SPEF2: variants seen among roughly 807,000 people sequenced by gnomAD.
The protein encoded by SPEF2 is sperm flagella and cilia-associated protein 2.
A neutral mutation model predicts 224.6 loss-of-function variants in SPEF2; 187 were observed. The ratio of observed to expected loss-of-function variants is 0.83; its 90% CI spans 0.74 to 0.94. SPEF2 has a LOEUF of 0.94. SPEF2 is among the 40% of genes least tolerant of loss of function. The probability of loss-of-function intolerance (pLI) is 0.00; values close to 1 mark genes in which losing one functional copy is unlikely to be tolerated. For missense variants in SPEF2, 2,170 were observed against 2,135.6 expected (o/e 1.02, Z -0.32); for synonymous variants, 715 against 707.3 (o/e 1.01, Z -0.17).
intron 21 of SPEF2, among the ~76,000 whole-genome samples, chr5:35,735,441 A>G (rs1746421628): frequency 6.6e-6 from 1 of 152,252 alleles, no homozygotes; most frequent in Non-Finnish European, 1.5e-5. Flanking sequence ...AATTACAGAA[A>G]GACAAATTTC....
intron 30 of SPEF2, chr5:35,787,834 AC>A: frequency 1.8e-6 from 1 of 551,296 alleles, no homozygotes; most frequent in Non-Finnish European, 3.2e-6. Context: ...AATTGGGATT[AC>A]TTAAAATAAC....
intron 23 of SPEF2, among the ~76,000 whole-genome samples, chr5:35,741,018 GC>G (rs1199565434): frequency 6.6e-6 from 1 of 152,040 alleles, no homozygotes; most frequent in African/African-American, 2.4e-5. Flanking sequence ...TCAAACCCAT[GC>G]CCCATTCATT....
intron 8 of SPEF2, 29 bp downstream of exon 8, chr5:35,659,236 C>G: frequency 6.5e-7 from 1 of 1,539,412 alleles, no homozygotes; most frequent in African/African-American, 1.4e-5. Context: ...AGAAATCTTT[C>G]TAAGGTTACT....
intron 33 of SPEF2, among the ~76,000 whole-genome samples, chr5:35,796,943 T>C (rs527798685): frequency 4.9e-4 from 74 of 152,318 alleles, no homozygotes; most frequent in African/African-American, 1.5e-3. Flanking sequence ...TTGTTTTTAA[T>C]GTGAAACTGG....
chr5:35,700,513 A>T lies in SPEF2; in HGVS notation c.2159A>T (p.Gln720Leu). Reference sequence around the variant, plus strand: ...CAATTTAGTGAGATACCTGTGAATCAAGACTGTATCCTAGATGGTTTTCCA... The same window carrying T: ...CAATTTAGTGAGATACCTGTGAATCTAGACTGTATCCTAGATGGTTTTCCA... Reference protein sequence around the residue: ...VNAINEIPVNQDCILDGFPMT... With the variant: ...VNAINEIPVNLDCILDGFPMT... Residue 720 changes from glutamine to leucine, a missense_variant, in exon 16 of 37, where the codon CAA becomes CTA. By Grantham distance (113) the Gln-to-Leu change is moderately radical. Coordinates refer to ENST00000356031, the MANE Select transcript of SPEF2 (RefSeq NM_024867.4). The T allele has an allele frequency of 6.2e-7, 1 of 1,612,762 alleles. No homozygotes were observed. The highest frequency in any genetic ancestry group is 8.5e-7 in the Non-Finnish European group (1 of 1,179,588).
chr5:35,627,717 A>G (rs1396579768), intron 1 of SPEF2, among the ~76,000 whole-genome samples: 1 of 152,210 alleles, frequency 6.6e-6, no homozygotes, highest in Non-Finnish European at 1.5e-5. Flanking sequence ...TTAATATTAA[A>G]TAGCTCTCTG....
chr5:35,670,524 AT>A (rs1202402576), intron 10 of SPEF2: 1 of 1,032,006 alleles, frequency 9.7e-7, no homozygotes, highest in East Asian at 8.5e-5. Flanking sequence ...ATTTATTAGC[AT>A]TTTTCTTTGT....
chr5:35,752,704 A>G (rs1749845682), intron 23 of SPEF2, among the ~76,000 whole-genome samples: 1 of 152,262 alleles, frequency 6.6e-6, no homozygotes, highest in Admixed American at 6.5e-5. Flanking sequence ...CAAGACCACC[A>G]GTTCGTATTC....
chr5:35,789,417 T>C (rs1580743697), intron 30 of SPEF2: 1 of 691,370 alleles, frequency 1.4e-6, no homozygotes, highest in Non-Finnish European at 2.6e-6. Flanking sequence ...AACTAGACAG[T>C]TTGACTTGCG....
At chr5:35,812,090 C>G (rs1372963788) in intron 36 of SPEF2, among the ~76,000 whole-genome samples, 1 of 152,044 alleles carries the variant, frequency 6.6e-6, no homozygotes, top group Non-Finnish European at 1.5e-5. Flanking sequence ...ACCTGGCCTC[C>G]CATTACTTTT....
At position 35,633,367 on chromosome 5, in the gene SPEF2, C is replaced by G. The variant is rs181746904; in HGVS notation, c.161+4805C>G. 6.7e-3 allele frequency among the ~76,000 whole-genome samples: 1,013 copies of G among 151,996 alleles called. 9 individuals carry two copies. Among genetic ancestry groups the G allele is most frequent in the African/African-American group, 0.023 (962 of 41,488 alleles). On this transcript the variant is annotated intron_variant, in intron 2 of 36. Transcript: ENST00000356031. ...TGTTATGTCTTCTTGAGGGATTGACCTTTTTAACAATATAAAATATTCTTA... is the reference window on the plus strand; with the variant it reads ...TGTTATGTCTTCTTGAGGGATTGACGTTTTTAACAATATAAAATATTCTTA...
intron 21 of SPEF2, among the ~76,000 whole-genome samples, chr5:35,738,540 C>A (rs922325746): frequency 6.7e-6 from 1 of 148,958 alleles, no homozygotes; most frequent in Non-Finnish European, 1.5e-5. Context: ...AAGAGCAAAG[C>A]TTTCAACAGA....
intron 10 of SPEF2, among the ~76,000 whole-genome samples, chr5:35,685,589 G>A (rs924324817): frequency 4.0e-5 from 6 of 151,876 alleles, no homozygotes; most frequent in African/African-American, 1.4e-4. Flanking sequence ...CTGTTACTAA[G>A]GGCCACTTTG....
Position 35,641,550 on chromosome 5 carries a change from C to T in SPEF2, c.281C>T (p.Thr94Ile), listed in dbSNP as rs747734038. ...GIITEKPGVA[T>I]KLLYQLYIAL... ...ATCACAGAAAAGCCTGGGGTGGCAA[C>T]AAAGCTGTTATATCAATTGTACATT... is the stretch of plus-strand genomic sequence containing the variant. Residue 94 changes from threonine to isoleucine, a missense_variant, in exon 3 of 37, where the codon ACA becomes ATA. Transcript: ENST00000356031. The T allele has an allele frequency of 1.2e-6, 2 of 1,613,536 alleles. No individual in the cohort carries two copies. Among genetic ancestry groups the T allele is most frequent in the Non-Finnish European group, 1.7e-6 (2 of 1,179,830 alleles).
intron 24 of SPEF2, among the ~76,000 whole-genome samples, chr5:35,759,012 A>AAAAAAG (rs920210412): frequency 2.0e-5 from 3 of 149,992 alleles, no homozygotes; most frequent in Non-Finnish European, 3.0e-5. Context: ...TCTCAAAAAA[A>AAAAAAG]AAAAAAAAAA....
At chr5:35,656,682 T>C (rs918923534) in intron 7 of SPEF2, among the ~76,000 whole-genome samples, 2 of 152,220 alleles carry the variant, frequency 1.3e-5, no homozygotes, top group African/African-American at 4.8e-5. Flanking sequence ...ATGAATTCTT[T>C]CTAGATTTCC....
At chr5:35,697,209 A>G (rs918432377) in intron 14 of SPEF2, among the ~76,000 whole-genome samples, 2 of 152,192 alleles carry the variant, frequency 1.3e-5, no homozygotes, top group African/African-American at 4.8e-5. Flanking sequence ...AAGTATAAAC[A>G]CTAGGCAAAA....
At chr5:35,808,790 A>T (rs1758359051) in intron 36 of SPEF2, among the ~76,000 whole-genome samples, 1 of 147,778 alleles carries the variant, frequency 6.8e-6, no homozygotes, top group African/African-American at 2.5e-5. Context: ...ATATGTATAT[A>T]TGTATATATG....
At position 35,779,166 on chromosome 5, in the gene SPEF2, A is replaced by G. The variant is rs1243776636; in HGVS notation, c.4267A>G (p.Lys1423Glu). 3.1e-6 allele frequency: 5 copies of G among 1,613,844 alleles called. No individual in the cohort carries two copies. Among genetic ancestry groups the G allele is most frequent in the Admixed American group, 3.3e-5 (2 of 60,002 alleles). ...TCGCTATCACATTGAAACATCTACA[A>G]AAATTCAGAATGAACTTTATTTAAG... is the stretch of plus-strand genomic sequence containing the variant. The part of the protein sequence containing the change: ...VARYHIETST[K>E]IQNELYLSQE... The change falls in exon 30 of 37, where the codon AAA (lysine) becomes GAA (glutamate). Residue 1423 changes from lysine to glutamate, a missense_variant. Physicochemically the swap from Lys to Glu is moderately conservative, Grantham distance 56. Transcript: ENST00000356031.
Sources: allele counts gnomAD v4.1 joint callset (sites outside exome capture counted in the v4.1 genomes callset), GRCh38; gene constraint gnomAD v4.1.1; transcripts MANE v1.5; gene names NCBI Gene and HGNC (gene_info 2026-07-23, HGNC 2026-07-21).